Variants in DCAF1 observed in about 807,000 individuals in gnomAD.
DCAF1 encodes the protein DDB1- and CUL4-associated factor 1.
Under a neutral mutation model 128.0 loss-of-function variants are expected in DCAF1, and 15 were observed. That is an observed-to-expected ratio of 0.12 (90% CI 0.08 to 0.18). The LOEUF is 0.18. DCAF1 is among the 10% of genes least tolerant of loss of function. The pLI, the probability that DCAF1 is intolerant of heterozygous loss-of-function variation, is 1.00. For synonymous variants in DCAF1, 610 were observed against 603.0 expected (o/e 1.01, Z -0.17); for missense variants, 988 against 1,649.5 (o/e 0.60, Z 6.95).
Position 51,418,883 on chromosome 3 carries a change from A to C in DCAF1, c.3237-7T>G, listed in dbSNP as rs1699136704. ...CACTGAAATAGGACGGAATCTAAGC[A>C]AAAAAAAGAGAGAATCACAGGCAAA... On this transcript the variant is annotated splice_region_variant and splice_polypyrimidine_tract_variant and intron_variant, in intron 15 of 24. Transcript: ENST00000684031. 6.3e-7 allele frequency: 1 copy of C among 1,590,892 alleles called. No individual in the cohort carries two copies. Among genetic ancestry groups the C allele is most frequent in the Non-Finnish European group, 8.6e-7 (1 of 1,168,168 alleles).
chr3:51,475,949 T>A (rs1705390219), intron 3 of DCAF1, among the ~76,000 whole-genome samples: 1 of 152,208 alleles, frequency 6.6e-6, no homozygotes, highest in Non-Finnish European at 1.5e-5. Context: ...CGGTAAGTTA[T>A]TTAACCTCTC....
chr3:51,416,293 C>T lies in DCAF1; in HGVS notation c.3603+494G>A, dbSNP rs540615912. Among the ~76,000 whole-genome samples the T allele has an allele frequency of 2.6e-5, 4 of 152,290 alleles. No individual in the cohort carries two copies. In the East Asian group the frequency reaches 5.8e-4, roughly 22 times the overall value. The stretch of plus-strand genomic sequence containing the variant: ...TTCCCTTGCCATTTCCTGTGCCTTA[C>T]GCTGTTCCTCCAGGTATCTTCCTGA... On this transcript the variant is annotated intron_variant, in intron 18 of 24. Coordinates refer to ENST00000684031, the MANE Select transcript of DCAF1 (RefSeq NM_001387579.1).
At chr3:51,400,457 A>G (rs552853938) in intron 24 of DCAF1, among the ~76,000 whole-genome samples, 1 of 152,328 alleles carries the variant, frequency 6.6e-6, no homozygotes, top group East Asian at 1.9e-4. Flanking sequence ...GCTCTTAAGA[A>G]CTAAGAATCT....
intron 3 of DCAF1, among the ~76,000 whole-genome samples, chr3:51,472,540 C>T (rs782799594): frequency 1.3e-5 from 2 of 152,178 alleles, no homozygotes; most frequent in Non-Finnish European, 2.9e-5. Flanking sequence ...GCACGCAACA[C>T]TGTGTCTGGC....
intron 6 of DCAF1, among the ~76,000 whole-genome samples, chr3:51,444,744 C>T (rs1273500924): frequency 3.3e-5 from 5 of 152,066 alleles, no homozygotes; most frequent in South Asian, 2.1e-4. Context: ...GGCACAATCT[C>T]GGCTCACTAC....
chr3:51,440,124 C>G (rs1268128180), intron 9 of DCAF1: 1 of 502,996 alleles, frequency 2.0e-6, no homozygotes, highest in Non-Finnish European at 3.9e-6. Context: ...TGTCTAGATT[C>G]ACTTTTTATC....
intron 6 of DCAF1, among the ~76,000 whole-genome samples, chr3:51,452,334 T>C (rs1553641685): frequency 6.6e-6 from 1 of 152,154 alleles, no homozygotes; most frequent in Non-Finnish European, 1.5e-5. Flanking sequence ...TTCTGACTCA[T>C]TAATTGCTAT....
upstream of DCAF1, among the ~76,000 whole-genome samples, chr3:51,504,536 T>TG (rs1166124985): frequency 6.6e-6 from 1 of 151,942 alleles, no homozygotes; most frequent in African/African-American, 2.4e-5. Flanking sequence ...TTAGTAGAGA[T>TG]GGGGTTTCAC....
chr3:51,414,056 T>A lies in DCAF1; in HGVS notation c.3838-13A>T, dbSNP rs1553629537. 2 of 1,581,924 alleles carry A rather than the reference T, an allele frequency of 1.3e-6. No individual in the cohort carries two copies. Among genetic ancestry groups the A allele is most frequent in the East Asian group, 4.5e-5 (2 of 44,112 alleles). ...TTCGAAGGTCCCACTAGGAGGGGAA[T>A]GGTCAAGGAAAACTATTTTACACAA... On this transcript the variant is annotated splice_polypyrimidine_tract_variant and intron_variant, in intron 19 of 24. Coordinates refer to ENST00000684031, the MANE Select transcript of DCAF1 (RefSeq NM_001387579.1).
Position 51,420,858 on chromosome 3 carries a change from A to G in DCAF1, c.2112T>C (p.Ser704=). ...NRISSIGKFI[S]GTPRRKLPQN... Reference sequence around the variant, plus strand: ...GAGGCAGCTTTCTCCGAGGAGTACCAGAGATAAATTTACCAATACTGGATA... The same window carrying G: ...GAGGCAGCTTTCTCCGAGGAGTACCGGAGATAAATTTACCAATACTGGATA... Residue 704 remains serine, a synonymous_variant, in exon 15 of 25, where the codon TCT becomes TCC. Transcript: ENST00000684031. This position sits in a 1 kb window ranked among gnomAD's most constrained non-coding sequence, Gnocchi z 6.5. 6.2e-7 allele frequency: 1 copy of G among 1,614,070 alleles called. No homozygotes were observed. Among genetic ancestry groups the G allele is most frequent in the South Asian group, 1.1e-5 (1 of 91,090 alleles).
At position 51,470,070 on chromosome 3, in the gene DCAF1, G is replaced by A. The variant is rs548548143; in HGVS notation, c.187+859C>T. On this transcript the variant is annotated intron_variant, in intron 4 of 24. Coordinates refer to ENST00000684031, the MANE Select transcript of DCAF1 (RefSeq NM_001387579.1). ...AGCCCAAAATAAACCAAATTAACAC[G>A]AGAAGGCATACTTTAGTTCTCAAGA... Among the ~76,000 whole-genome samples, 14 of 152,096 alleles carry A rather than the reference G, an allele frequency of 9.2e-5. 1 individual carries two copies. Among genetic ancestry groups the A allele is most frequent in the African/African-American group, 2.7e-4 (11 of 41,502 alleles).
intron 2 of DCAF1, among the ~76,000 whole-genome samples, chr3:51,494,423 T>C (rs1013775169): frequency 6.6e-6 from 1 of 152,148 alleles, no homozygotes; most frequent in African/African-American, 2.4e-5. Flanking sequence ...CGAGGTTTCC[T>C]TTTAAGGTGA....
intron 2 of DCAF1, among the ~76,000 whole-genome samples, chr3:51,496,460 G>C (rs1475757055): frequency 6.6e-6 from 1 of 151,696 alleles, no homozygotes; most frequent in Non-Finnish European, 1.5e-5. Flanking sequence ...GACAATAAGG[G>C]TGCATTACTC....
At chr3:51,418,946 T>C (rs1473030070) in intron 15 of DCAF1, 70 bp from the exon 16 acceptor site, 10 of 1,479,428 alleles carry the variant, frequency 6.8e-6, no homozygotes, top group African/African-American at 5.7e-5. Flanking sequence ...ACTGCTAGGA[T>C]AGAAGAAAAA....
At chr3:51,432,803 C>T (rs1259366549) in intron 10 of DCAF1, among the ~76,000 whole-genome samples, 2 of 152,130 alleles carry the variant, frequency 1.3e-5, no homozygotes, top group Admixed American at 1.3e-4. Context: ...ACTAAGACAT[C>T]GGAAAAGTGC....
At chr3:51,457,059 C>A (rs1448634048) in intron 6 of DCAF1, among the ~76,000 whole-genome samples, 1 of 152,102 alleles carries the variant, frequency 6.6e-6, no homozygotes, top group Non-Finnish European at 1.5e-5. Flanking sequence ...CAAAGCTGGA[C>A]GGAGAATGAC....
chr3:51,483,799 G>A lies in DCAF1; in HGVS notation c.30C>T (p.Ser10=), dbSNP rs2108423048. ...CCAGCAGGGTAGTGAGCTCAGCTTT[G>A]GAGTCCACATGTACCACTACTGTAG... MTTVVVHVD[S]KAELTTLLEQ... Residue 10 remains serine (S), a synonymous_variant, in exon 3 of 25, where the codon TCC becomes TCT. Coordinates refer to ENST00000684031, the MANE Select transcript of DCAF1 (RefSeq NM_001387579.1). 2 of 1,613,790 alleles carry A rather than the reference G, an allele frequency of 1.2e-6. No individual in the cohort carries two copies. Among genetic ancestry groups the A allele is most frequent in the East Asian group, 4.5e-5 (2 of 44,874 alleles).
chr3:51,481,649 C>T (rs1437310878), intron 3 of DCAF1, among the ~76,000 whole-genome samples: 3 of 151,902 alleles, frequency 2.0e-5, no homozygotes, highest in Non-Finnish European at 4.4e-5. Flanking sequence ...GAGCCAAGAT[C>T]GCACCACTGC....
At chr3:51,448,826 C>A (rs1244445148) in intron 6 of DCAF1, among the ~76,000 whole-genome samples, 3 of 151,920 alleles carry the variant, frequency 2.0e-5, no homozygotes, top group Non-Finnish European at 4.4e-5. Context: ...AGCCATTGAA[C>A]CTAAAAGATG....
Sources: allele counts gnomAD v4.1 joint callset (sites outside exome capture counted in the v4.1 genomes callset), GRCh38; gene constraint gnomAD v4.1.1; non-coding constraint Gnocchi (gnomAD v3.1); transcripts MANE v1.5; gene names NCBI Gene and HGNC (gene_info 2026-07-23, HGNC 2026-07-21).